Variants in MVB12B observed in about 807,000 individuals in gnomAD.
MVB12B encodes ESCRT-I complex subunit MVB12B.
MVB12B carries 16 observed loss-of-function variants against 41.6 expected under a neutral mutation model. The ratio of observed to expected loss-of-function variants is 0.38; its 90% CI spans 0.26 to 0.58. MVB12B has a LOEUF of 0.58. Among genes scored for constraint, MVB12B ranks in the 20% least tolerant of loss-of-function variants. MVB12B has a pLI of 0.62. For missense variants in MVB12B, 274 were observed against 380.2 expected, an observed-to-expected ratio of 0.72 and a Z score of 2.32; for synonymous variants, 133 against 139.7, an observed-to-expected ratio of 0.95 and a Z score of 0.34.
chr9:126,416,245 T>A (rs990097950), intron 6 of MVB12B, among the ~76,000 whole-genome samples: 3 of 152,192 alleles, frequency 2.0e-5, no homozygotes, highest in African/African-American at 7.2e-5. Context: ...CGTACTTGCA[T>A]GTGCTCACGC....
chr9:126,443,376 A>C (rs1423200630), intron 7 of MVB12B, among the ~76,000 whole-genome samples: 1 of 152,130 alleles, frequency 6.6e-6, no homozygotes, highest in Admixed American at 6.5e-5. Context: ...TCAGGGTAGG[A>C]GGGACTGAGG....
chr9:126,428,043 C>T (rs529983405), intron 7 of MVB12B, among the ~76,000 whole-genome samples: 1 of 152,188 alleles, frequency 6.6e-6, no homozygotes, highest in African/African-American at 2.4e-5. Context: ...AACCAGCCCC[C>T]CTTTCAGGAT....
chr9:126,461,424 T>G (rs1833086742), intron 7 of MVB12B, among the ~76,000 whole-genome samples: 1 of 152,210 alleles, frequency 6.6e-6, no homozygotes, highest in Non-Finnish European at 1.5e-5. Flanking sequence ...TGTTGTGCTG[T>G]GAGCCATGTA....
rs1218539620 is a variant in MVB12B, at chr9:126,376,036, G to A, written c.205-5028G>A. ...ACACAGAGGCTCCCCCTCCCCTCCG[G>A]TTTTTATTTTAAAAGTTCTTTCTGA... On this transcript the variant is annotated intron_variant, in intron 2 of 9. Coordinates refer to ENST00000361171, the MANE Select transcript of MVB12B (RefSeq NM_033446.3). This position sits in a 1 kb window ranked among gnomAD's most constrained non-coding sequence, Gnocchi z 4.1. 6.6e-6 allele frequency among the ~76,000 whole-genome samples: 1 copy of A among 152,052 alleles called. No individual in the cohort carries two copies. The highest frequency in any genetic ancestry group is 2.4e-5 in the African/African-American group (1 of 41,402).
intron 7 of MVB12B, among the ~76,000 whole-genome samples, chr9:126,458,636 C>T (rs1028192693): frequency 2.6e-5 from 4 of 152,302 alleles, no homozygotes; most frequent in East Asian, 1.9e-4. Flanking sequence ...CAGTTTGTCC[C>T]GCCTGGTTGC....
intron 6 of MVB12B, among the ~76,000 whole-genome samples, chr9:126,419,090 C>T (rs1301862271): frequency 6.6e-6 from 1 of 152,194 alleles, no homozygotes; most frequent in African/African-American, 2.4e-5. Context: ...ACCTGGCTCC[C>T]AAAGTTCTGC....
At chr9:126,487,637 C>T (rs1373732073) in intron 9 of MVB12B, among the ~76,000 whole-genome samples, 1 of 152,162 alleles carries the variant, frequency 6.6e-6, no homozygotes, top group Non-Finnish European at 1.5e-5. Flanking sequence ...TGGTGGAGCA[C>T]ACCTGTAGTC....
chr9:126,420,541 G>A (rs1831972852), intron 6 of MVB12B, among the ~76,000 whole-genome samples: 1 of 146,880 alleles, frequency 6.8e-6, no homozygotes, highest in Non-Finnish European at 1.5e-5. Flanking sequence ...CCTCCCTGGA[G>A]AGCCTTTCCT....
At chr9:126,500,662 G>A (rs1348627664) in intron 9 of MVB12B, among the ~76,000 whole-genome samples, 1 of 152,246 alleles carries the variant, frequency 6.6e-6, no homozygotes, top group Non-Finnish European at 1.5e-5. Context: ...CCTGCTGCAT[G>A]TTCTCTCCTG....
intron 7 of MVB12B, among the ~76,000 whole-genome samples, chr9:126,451,861 T>G (rs1395200233): frequency 6.6e-6 from 1 of 152,190 alleles, no homozygotes; most frequent in Admixed American, 6.5e-5. Context: ...GAAGAGCAGA[T>G]TAGGTTAGCC....
chr9:126,426,746 A>G (rs535865535), intron 7 of MVB12B: 1 of 152,332 alleles, frequency 6.6e-6, no homozygotes, highest in South Asian at 2.1e-4. Context: ...AGGTGCGGCT[A>G]TGTGCAGGGG....
At chr9:126,401,598 T>C (rs16928964) in intron 6 of MVB12B, among the ~76,000 whole-genome samples, 18,932 of 152,270 alleles carry the variant, frequency 0.12, 1,579 homozygotes, top group East Asian at 0.38. Flanking sequence ...TCCATCACTC[T>C]GATCCCAGGG....
At chr9:126,346,285 C>T (rs1829585407) in intron 2 of MVB12B, among the ~76,000 whole-genome samples, 2 of 152,122 alleles carry the variant, frequency 1.3e-5, no homozygotes, top group Non-Finnish European at 2.9e-5. Context: ...ACATGTGAAG[C>T]AGTACGTGGA....
intron 9 of MVB12B, among the ~76,000 whole-genome samples, chr9:126,489,884 C>T (rs1266424685): frequency 6.6e-6 from 1 of 152,188 alleles, no homozygotes; most frequent in Non-Finnish European, 1.5e-5. Context: ...TCGTGGCCAC[C>T]GTGGGCAGTT....
In MVB12B at chr9:126,333,788, A is replaced by G. The variant is rs1829197790; in HGVS notation, c.82-6720A>G. On this transcript the variant is annotated intron_variant, in intron 1 of 9. Coordinates refer to ENST00000361171, the MANE Select transcript of MVB12B (RefSeq NM_033446.3). This position sits in a 1 kb window ranked among gnomAD's most constrained non-coding sequence, Gnocchi z 4.7. The stretch of plus-strand genomic sequence containing the variant: ...TGAACTGTCAAGAGGAAGGAGGGGG[A>G]GACTGGAGGGCTGATTCTGAGGCTT... Among the ~76,000 whole-genome samples the G allele has an allele frequency of 2.0e-5, 3 of 152,014 alleles. No homozygotes were observed. The South Asian group carries it at 6.2e-4, about 31-fold the overall frequency.
At chr9:126,435,740 T>C (rs1013350192) in intron 7 of MVB12B, among the ~76,000 whole-genome samples, 5 of 149,714 alleles carry the variant, frequency 3.3e-5, no homozygotes, top group Admixed American at 3.3e-4. Context: ...CCCCTGTCCC[T>C]GAGCTCACTT....
intron 2 of MVB12B, among the ~76,000 whole-genome samples, chr9:126,356,317 G>C (rs546049701): frequency 6.6e-6 from 1 of 152,164 alleles, no homozygotes; most frequent in African/African-American, 2.4e-5. Context: ...CTATCTGGGA[G>C]CATGATTTGG....
intron 4 of MVB12B, among the ~76,000 whole-genome samples, chr9:126,388,075 G>T (rs1043460984): frequency 1.3e-5 from 2 of 152,102 alleles, no homozygotes; most frequent in African/African-American, 4.8e-5. Flanking sequence ...CAGTTCAGTG[G>T]CTTTTAGTAA....
rs1367059636 is a variant in MVB12B, at chr9:126,473,666, A to C, written c.758-7703A>C. Among the ~76,000 whole-genome samples the C allele has an allele frequency of 6.6e-6, 1 of 152,134 alleles. No homozygotes were observed. The highest frequency in any genetic ancestry group is 1.9e-4 in the East Asian group (1 of 5,186). ...AAACAACCAGATCTCGCGAGGACTC[A>C]CTCGCTATCACAAGGACAGCACCAC... On this transcript the variant is annotated intron_variant, in intron 7 of 9. Coordinates refer to ENST00000361171, the MANE Select transcript of MVB12B (RefSeq NM_033446.3). The surrounding 1 kb of genome is among the most constrained non-coding windows in gnomAD (Gnocchi z 4.0).
Sources: gnomAD v4.1 joint callset for allele counts (sites outside exome capture counted in the v4.1 genomes callset) on GRCh38, gnomAD v4.1.1 for gene constraint, Gnocchi (gnomAD v3.1) non-coding constraint, MANE v1.5 for transcripts, NCBI Gene and HGNC (gene_info 2026-07-23, HGNC 2026-07-21) for gene names.